KCNA2: variants seen among roughly 807,000 people sequenced by gnomAD.
KCNA2 encodes the protein potassium voltage-gated channel subfamily A member 2.
Under a neutral mutation model 33.4 loss-of-function variants are expected in KCNA2, and 11 were observed. That is an observed-to-expected ratio of 0.33 (90% confidence interval 0.21 to 0.55). KCNA2 has a LOEUF of 0.55. Among genes scored for constraint, KCNA2 ranks in the 20% least tolerant of loss-of-function variants. The pLI is 0.93. For missense variants in KCNA2, 291 were observed against 621.6 expected (o/e 0.47, Z 5.66); for synonymous variants, 222 against 231.3 (o/e 0.96, Z 0.37).
In KCNA2 at chr1:110,593,769, A is replaced by ATGTGTACATATG; in HGVS notation, c.*9513_*9514insCATATGTACACA. The ATGTGTACATATG allele has an allele frequency of 8.6e-7, 1 of 1,165,994 alleles. No homozygotes were observed. The highest frequency in any genetic ancestry group is 1.2e-6 in the Non-Finnish European group (1 of 825,206). The allele number at this position is 1,165,994 out of a possible 1,614,324, so 72.2% of individuals were successfully genotyped here. A position where few individuals can be genotyped will look rare whatever the true frequency, so the allele number is the denominator to read the frequency against. ...CATTGAGGCACATATGTACACATAT[A>ATGTGTACATATG]TGTATAACCTATGTACAAATATCAG... is the stretch of plus-strand genomic sequence containing the variant. On this transcript the variant is annotated 3_prime_UTR_variant, in exon 3 of 3. Coordinates refer to ENST00000316361, the MANE Select transcript of KCNA2 (RefSeq NM_004974.4).
exon 1 of KCNA2, chr1:110,631,430 G>A (rs1345103555): frequency 6.6e-6 from 1 of 152,312 alleles, no homozygotes; most frequent in Non-Finnish European, 1.5e-5. Flanking sequence ...TCCTGCAGAA[G>A]TCTTGGCGCT....
chr1:110,610,142 T>C (rs1235133569), upstream of KCNA2, among the ~76,000 whole-genome samples: 1 of 152,214 alleles, frequency 6.6e-6, no homozygotes, highest in Non-Finnish European at 1.5e-5. Context: ...TTTGGTTTGG[T>C]TTCCTGCTTG....
chr1:110,620,505 TAAG>T (rs2101457314), intron 1 of KCNA2, among the ~76,000 whole-genome samples: 1 of 152,224 alleles, frequency 6.6e-6, no homozygotes, highest in East Asian at 1.9e-4. Flanking sequence ...GCTGTGCTGT[TAAG>T]AACCCCACTT....
chr1:110,622,296 C>T (rs1185235618), intron 1 of KCNA2, among the ~76,000 whole-genome samples: 2 of 152,008 alleles, frequency 1.3e-5, no homozygotes, highest in African/African-American at 4.8e-5. Context: ...ATTCAGTATT[C>T]ACTTGTGATA....
rs1649120082 is a variant in KCNA2 at position 110,596,900 on chromosome 1, T to C, written c.*6383A>G. Reference sequence around the variant, plus strand: ...TGGGGTTGCCAGCCTTCCCTGATTGTCCAGTCTGAACATTTAAGCTCACAG... The same window carrying C: ...TGGGGTTGCCAGCCTTCCCTGATTGCCCAGTCTGAACATTTAAGCTCACAG... On this transcript the variant is annotated 3_prime_UTR_variant, in exon 3 of 3. Transcript: ENST00000316361. The C allele has an allele frequency of 2.0e-6, 2 of 985,290 alleles. No homozygotes were observed. Among genetic ancestry groups the C allele is most frequent in the Admixed American group, 6.2e-5 (1 of 16,254 alleles). The allele number at this position is 985,290 out of a possible 1,614,324, so 61.0% of individuals were successfully genotyped here. A position where few individuals can be genotyped will look rare whatever the true frequency, so the allele number is the denominator to read the frequency against.
intron 1 of KCNA2, among the ~76,000 whole-genome samples, chr1:110,630,762 A>G (rs1650532872): frequency 6.6e-6 from 1 of 152,194 alleles, no homozygotes; most frequent in African/African-American, 2.4e-5. Flanking sequence ...AGTGCCAAGA[A>G]ATTGCATCTT....
chr1:110,628,489 T>A (rs943018349), intron 1 of KCNA2, among the ~76,000 whole-genome samples: 4 of 152,292 alleles, frequency 2.6e-5, no homozygotes, highest in Admixed American at 2.6e-4. Context: ...AAAGCTATTT[T>A]GCATAAGAGA....
chr1:110,612,253 C>T (rs1224487090), intron 1 of KCNA2, among the ~76,000 whole-genome samples: 2 of 152,112 alleles, frequency 1.3e-5, no homozygotes, highest in African/African-American at 2.4e-5. Context: ...GTGATCTCAT[C>T]GTTGTGCAAA....
chr1:110,609,379 G>A (rs547679805), upstream of KCNA2, among the ~76,000 whole-genome samples: 2 of 152,216 alleles, frequency 1.3e-5, no homozygotes, highest in East Asian at 3.9e-4. Flanking sequence ...TCTTACCCAG[G>A]GCAACATTTA....
intron 1 of KCNA2, among the ~76,000 whole-genome samples, chr1:110,623,203 G>A (rs996675167): frequency 1.3e-5 from 2 of 152,150 alleles, no homozygotes; most frequent in Non-Finnish European, 2.9e-5. Context: ...AGATGCAAAG[G>A]TAGAAAGAAG....
At position 110,601,985 on chromosome 1, in the gene KCNA2, AAG is replaced by A. The variant is rs1409728773; in HGVS notation, c.*1296_*1297del. The A allele has an allele frequency of 3.3e-5, 50 of 1,532,848 alleles. No individual in the cohort carries two copies. The highest frequency in any genetic ancestry group is 4.1e-5 in the African/African-American group (3 of 72,676). The allele number at this position is 1,532,848 out of a possible 1,614,324, so 95.0% of individuals were successfully genotyped here. On this transcript the variant is annotated 3_prime_UTR_variant, in exon 3 of 3. Coordinates refer to ENST00000316361, the MANE Select transcript of KCNA2 (RefSeq NM_004974.4). The stretch of plus-strand genomic sequence containing the variant: ...ACTAGCTAGGTAGAGGAACGCGTGA[AAG>A]AGAGATACTCGATATATATTTATAT...
chr1:110,615,907 C>T lies in KCNA2; in HGVS notation c.-495-10185G>A, dbSNP rs563900150. Among the ~76,000 whole-genome samples, 24 of 152,306 alleles carry T rather than the reference C, an allele frequency of 1.6e-4. 1 individual carries two copies. The highest frequency in any genetic ancestry group is 5.8e-4 in the African/African-American group (24 of 41,572). ...CAGGAGTCTTGGGATGCTTGCTGTT[C>T]ACCTGAAATTCTAGGCTCATCCAAC... is the stretch of plus-strand genomic sequence containing the variant. On this transcript the variant is annotated intron_variant, in intron 1 of 4. Coordinates refer to the KCNA2 transcript ENST00000369770.
At position 110,593,732 on chromosome 1, in the gene KCNA2, A is replaced by G; in HGVS notation, c.*9551T>C. 1.4e-6 allele frequency: 1 copy of G among 711,538 alleles called. No individual in the cohort carries two copies. The highest frequency in any genetic ancestry group is 2.2e-6 in the Non-Finnish European group (1 of 460,624). 44.1% of individuals were successfully genotyped at this position (711,538 alleles called of 1,614,324 possible). ...TCTATGTACACCCATGATCAGGTGG[A>G]CAGGCAATGTTCATTGAGGCACATA... On this transcript the variant is annotated 3_prime_UTR_variant, in exon 3 of 3. Coordinates refer to ENST00000316361, the MANE Select transcript of KCNA2 (RefSeq NM_004974.4).
At chr1:110,626,206 C>T (rs552354987) in intron 1 of KCNA2, among the ~76,000 whole-genome samples, 3 of 152,300 alleles carry the variant, frequency 2.0e-5, no homozygotes, top group South Asian at 2.1e-4. Context: ...GCCCAAGTGT[C>T]TATCACTAGG....
chr1:110,629,844 C>T (rs903066870), intron 1 of KCNA2, among the ~76,000 whole-genome samples: 6 of 151,746 alleles, frequency 4.0e-5, no homozygotes, highest in South Asian at 2.1e-4. Flanking sequence ...ACGAGGAGAC[C>T]GAATTAAACA....
chr1:110,616,030 A>G lies in KCNA2; in HGVS notation c.-495-10308T>C, dbSNP rs141011475. On this transcript the variant is annotated intron_variant, in intron 1 of 4. Transcript: ENST00000369770. ...GCCTCACCAATTCAGAAAAAGAGAG[A>G]CCTGAGTTTCTTTCTGCCTTGAGGA... Among the ~76,000 whole-genome samples the G allele has an allele frequency of 7.8e-4, 119 of 152,172 alleles. No individual in the cohort carries two copies. In the Middle Eastern group the frequency reaches 0.014, roughly 17 times the overall value.
At position 110,596,883 on chromosome 1, in the gene KCNA2, C is replaced by T; in HGVS notation, c.*6400G>A. 1 of 985,438 alleles carries T rather than the reference C, an allele frequency of 1.0e-6. No homozygotes were observed. The highest frequency in any genetic ancestry group is 1.2e-6 in the Non-Finnish European group (1 of 829,930). The allele number at this position is 985,438 out of a possible 1,614,324, so 61.0% of individuals were successfully genotyped here. On this transcript the variant is annotated 3_prime_UTR_variant, in exon 3 of 3. Coordinates refer to ENST00000316361, the MANE Select transcript of KCNA2 (RefSeq NM_004974.4). Reference sequence around the variant, plus strand: ...AGGATGGAATGGGACCCTGGGGTTGCCAGCCTTCCCTGATTGTCCAGTCTG... The same window carrying T: ...AGGATGGAATGGGACCCTGGGGTTGTCAGCCTTCCCTGATTGTCCAGTCTG...
At position 110,612,652 on chromosome 1, in the gene KCNA2, A is replaced by G. The variant is rs569490123; in HGVS notation, c.-495-6930T>C. On this transcript the variant is annotated intron_variant, in intron 1 of 4. Transcript: ENST00000369770. ...TTCCCCTCTGGTCTCTTCTCCCCAC[A>G]GTTGCTATAGAGACCCCACTAAAGT... 4.6e-5 allele frequency among the ~76,000 whole-genome samples: 7 copies of G among 152,266 alleles called. No individual in the cohort carries two copies. In the South Asian group the frequency reaches 1.0e-3, roughly 23 times the overall value.
In KCNA2 at chr1:110,601,965, C is replaced by G; in HGVS notation, c.*1318G>C. 1 of 1,515,696 alleles carries G rather than the reference C, an allele frequency of 6.6e-7. No homozygotes were observed. Among genetic ancestry groups the G allele is most frequent in the Non-Finnish European group, 8.9e-7 (1 of 1,128,048 alleles). The allele number at this position is 1,515,696 out of a possible 1,614,324, so 93.9% of individuals were successfully genotyped here. A position where few individuals can be genotyped will look rare whatever the true frequency, so the allele number is the denominator to read the frequency against. The stretch of plus-strand genomic sequence containing the variant: ...AATGCAATTTCTTTTCTATCACTAG[C>G]TAGGTAGAGGAACGCGTGAAAGAGA... On this transcript the variant is annotated 3_prime_UTR_variant, in exon 3 of 3. Transcript: ENST00000316361.
Sources: gnomAD v4.1 joint callset for allele counts (sites outside exome capture counted in the v4.1 genomes callset) on GRCh38, gnomAD v4.1.1 for gene constraint, MANE v1.5 for transcripts, NCBI Gene and HGNC (gene_info 2026-07-23, HGNC 2026-07-21) for gene names.